Variants in SEPTIN11 observed in about 807,000 individuals in gnomAD.
The protein encoded by SEPTIN11 is septin 11.
In SEPTIN11, 25 loss-of-function variants were observed where a neutral mutation model predicts 51.4. The ratio of observed to expected loss-of-function variants is 0.49; its 90% confidence interval spans 0.35 to 0.68. The LOEUF is 0.68. Among genes scored for constraint, SEPTIN11 ranks in the 30% least tolerant of loss-of-function variants. The pLI, the probability that SEPTIN11 is intolerant of heterozygous loss-of-function variation, is 0.00. For synonymous variants in SEPTIN11, 174 were observed against 184.1 expected (o/e 0.95, Z 0.44); for missense variants, 381 against 520.8 (o/e 0.73, Z 2.61).
At chr4:76,958,765 G>A in intron 1 of SEPTIN11, 1 of 727,694 alleles carries the variant, frequency 1.4e-6, no homozygotes, top group South Asian at 1.9e-5. Flanking sequence ...TGGCAATTAG[G>A]TTTATAATCT....
At chr4:77,028,060 T>G (rs1451817203) in intron 7 of SEPTIN11, among the ~76,000 whole-genome samples, 33 of 152,152 alleles carry the variant, frequency 2.2e-4, no homozygotes, top group Admixed American at 2.2e-3. Flanking sequence ...TGGAGGGAGA[T>G]GAGAGGGGAG....
chr4:76,966,903 G>A (rs974857191), intron 1 of SEPTIN11, among the ~76,000 whole-genome samples: 3 of 151,022 alleles, frequency 2.0e-5, no homozygotes, highest in African/African-American at 7.3e-5. Context: ...TAATGCTTAT[G>A]CTTTATTGTA....
At chr4:76,992,996 AGGAGTTTGGATTGG>A (rs1343704093) in intron 1 of SEPTIN11, among the ~76,000 whole-genome samples, 3 of 152,302 alleles carry the variant, frequency 2.0e-5, no homozygotes, top group Non-Finnish European at 4.4e-5. Context: ...TGACAGGCCA[AGGAGTTTGGATTGG>A]GGACCTTGAG....
chr4:77,039,314 T>C, downstream of SEPTIN11: 1 of 1,091,370 alleles, frequency 9.2e-7, no homozygotes, highest in Non-Finnish European at 1.1e-6. Context: ...TATTCAATAA[T>C]ATTAATTAAA....
At chr4:77,000,794 G>T (rs1375738237) in intron 2 of SEPTIN11, among the ~76,000 whole-genome samples, 3 of 152,118 alleles carry the variant, frequency 2.0e-5, no homozygotes, top group Non-Finnish European at 4.4e-5. Context: ...CCACACGCTG[G>T]CTCATCTTAT....
At chr4:77,031,006 T>C in intron 9 of SEPTIN11, 36 bp downstream of exon 9, 1 of 1,548,304 alleles carries the variant, frequency 6.5e-7, no homozygotes, top group South Asian at 1.2e-5. Flanking sequence ...CGGGGACCTC[T>C]AACAATTTAT....
At chr4:76,962,387 G>T (rs1351974838) in intron 1 of SEPTIN11, among the ~76,000 whole-genome samples, 1 of 152,334 alleles carries the variant, frequency 6.6e-6, no homozygotes, top group East Asian at 1.9e-4. Flanking sequence ...AAGATAAAAT[G>T]TCCAGTTCCT....
chr4:77,009,881 C>T (rs1432103467), intron 3 of SEPTIN11: 1 of 152,292 alleles, frequency 6.6e-6, no homozygotes, highest in Non-Finnish European at 1.5e-5. Flanking sequence ...GCCCCAGACT[C>T]AAAGGGCAAA....
chr4:76,983,333 C>G (rs557237192), intron 1 of SEPTIN11, among the ~76,000 whole-genome samples: 1 of 152,290 alleles, frequency 6.6e-6, no homozygotes, highest in African/African-American at 2.4e-5. Flanking sequence ...CCGTCAGTGA[C>G]TTTTTGGAGC....
chr4:76,978,541 G>C (rs1722610062), intron 1 of SEPTIN11, among the ~76,000 whole-genome samples: 1 of 152,216 alleles, frequency 6.6e-6, no homozygotes, highest in South Asian at 2.1e-4. Context: ...AGCCTGCTTG[G>C]CTTTGACTCC....
At chr4:77,000,373 T>C (rs1003972001) in intron 2 of SEPTIN11, among the ~76,000 whole-genome samples, 4 of 152,216 alleles carry the variant, frequency 2.6e-5, no homozygotes, top group South Asian at 2.1e-4. Flanking sequence ...AAATGGCTTA[T>C]AGGGTAAAAC....
chr4:77,038,554 A>G lies in SEPTIN11; in HGVS notation c.*4042A>G, dbSNP rs749862442. On this transcript the variant is annotated 3_prime_UTR_variant, in exon 10 of 10. Transcript: ENST00000264893. ...TAGGAGAGTGGTGAACAGATAATCT[A>G]TGCATATATCACTAGTGCCAAGACA... 3.1e-5 allele frequency: 31 copies of G among 990,940 alleles called. No homozygotes were observed. Among genetic ancestry groups the G allele is most frequent in the Non-Finnish European group, 7.2e-6 (6 of 833,348 alleles). 61.4% of individuals were successfully genotyped at this position (990,940 alleles called of 1,614,324 possible).
At chr4:77,005,888 T>A in intron 3 of SEPTIN11, 92 bp downstream of exon 3, 2 of 1,244,310 alleles carry the variant, frequency 1.6e-6, no homozygotes, top group East Asian at 4.7e-5. Context: ...TTTGGGGATT[T>A]TTTAGTTGTG....
chr4:77,031,668 C>T (rs1434832198), intron 9 of SEPTIN11: 1 of 152,204 alleles, frequency 6.6e-6, no homozygotes, highest in Non-Finnish European at 1.5e-5. Flanking sequence ...ATTTAGGCCT[C>T]CCTTGACATT....
Position 77,037,849 on chromosome 4 carries a change from G to A in SEPTIN11, c.*3337G>A, listed in dbSNP as rs1466145720. ...ATTTCAACAATGGGAATTATTTAATGTAACAGTGGGCACAGATTACTTATC... is the reference window on the plus strand; with the variant it reads ...ATTTCAACAATGGGAATTATTTAATATAACAGTGGGCACAGATTACTTATC... On this transcript the variant is annotated 3_prime_UTR_variant, in exon 10 of 10. Transcript: ENST00000264893. The A allele has an allele frequency of 8.0e-5, 79 of 985,766 alleles. No homozygotes were observed. The highest frequency in any genetic ancestry group is 4.5e-4 in the East Asian group (4 of 8,830). 61.1% of individuals were successfully genotyped at this position (985,766 alleles called of 1,614,324 possible).
intron 1 of SEPTIN11, among the ~76,000 whole-genome samples, chr4:76,961,334 G>C (rs1721818318): frequency 6.6e-6 from 1 of 152,092 alleles, no homozygotes; most frequent in Non-Finnish European, 1.5e-5. Flanking sequence ...AAAGGGAATT[G>C]GGAAGTTTTA....
intron 5 of SEPTIN11, among the ~76,000 whole-genome samples, chr4:77,015,928 G>C (rs1390635733): frequency 2.0e-5 from 3 of 152,194 alleles, no homozygotes; most frequent in Non-Finnish European, 4.4e-5. Context: ...TGTTTAACTA[G>C]TAGAGCCACT....
Position 77,024,160 on chromosome 4 carries a change from G to A in SEPTIN11, c.953+3490G>A, listed in dbSNP as rs1370542150. The stretch of plus-strand genomic sequence containing the variant: ...TGAGGCAAAAGGAGGAGTAGCGCGC[G>A]CACAGAAACGCCGTATTCAAGCCTT... On this transcript the variant is annotated intron_variant, in intron 7 of 9. Coordinates refer to ENST00000264893, the MANE Select transcript of SEPTIN11 (RefSeq NM_018243.4). This position sits in a 1 kb window ranked among gnomAD's most constrained non-coding sequence, Gnocchi z 4.2. Among the ~76,000 whole-genome samples the A allele has an allele frequency of 2.0e-5, 3 of 152,118 alleles. No homozygotes were observed. The highest frequency in any genetic ancestry group is 4.4e-5 in the Non-Finnish European group (3 of 68,030).
chr4:77,003,342 C>A (rs1191617237), intron 2 of SEPTIN11, among the ~76,000 whole-genome samples: 2 of 152,128 alleles, frequency 1.3e-5, no homozygotes, highest in Non-Finnish European at 2.9e-5. Context: ...AAGAGGAAAG[C>A]GGTTATGACA....
Sources: gnomAD v4.1 joint callset for allele counts (sites outside exome capture counted in the v4.1 genomes callset) on GRCh38, gnomAD v4.1.1 for gene constraint, Gnocchi (gnomAD v3.1) non-coding constraint, MANE v1.5 for transcripts, NCBI Gene and HGNC (gene_info 2026-07-23, HGNC 2026-07-21) for gene names.